COL14A1: variants seen among roughly 807,000 people sequenced by gnomAD.
The protein encoded by COL14A1 is collagen type XIV alpha 1 chain.
Under a neutral mutation model 230.3 loss-of-function variants are expected in COL14A1, and 136 were observed. That is an observed-to-expected ratio of 0.59 (90% CI 0.51 to 0.68). The LOEUF (loss-of-function observed/expected upper bound fraction) is 0.68, where lower values mean the gene tolerates loss of function less well. COL14A1 is among the 30% of genes least tolerant of loss of function. The pLI is 0.00. For missense variants in COL14A1, 1,976 were observed against 2,215.8 expected (o/e 0.89, Z 2.17); for synonymous variants, 792 against 784.1 (o/e 1.01, Z -0.17).
chr8:120,227,097 A>G, intron 16 of COL14A1, 123 bp from the exon 17 acceptor site: 1 of 1,089,122 alleles, frequency 9.2e-7, no homozygotes, highest in Non-Finnish European at 1.3e-6. Context: ...TGACCTTAAA[A>G]TGGACTTCGA....
intron 5 of COL14A1, among the ~76,000 whole-genome samples, chr8:120,190,278 G>A (rs1035676283): frequency 2.0e-5 from 3 of 152,188 alleles, no homozygotes; most frequent in African/African-American, 7.2e-5. Context: ...CTGCATAAAT[G>A]TCTTCTTTTG....
At chr8:120,166,514 A>G (rs1421062938) in intron 4 of COL14A1, among the ~76,000 whole-genome samples, 1 of 138,800 alleles carries the variant, frequency 7.2e-6, no homozygotes, top group Non-Finnish European at 1.6e-5. Flanking sequence ...CTACCTCTGA[A>G]TTTATTACTA....
chr8:120,276,371 A>G (rs1819845495), intron 26 of COL14A1, among the ~76,000 whole-genome samples: 1 of 148,828 alleles, frequency 6.7e-6, no homozygotes, highest in Non-Finnish European at 1.5e-5. Flanking sequence ...GGGAGGGTGG[A>G]AGGTGGATGA....
Position 120,224,023 on chromosome 8 carries a change from C to CTTTTTTTTTTT in COL14A1, c.1738-1054_1738-1044dup, listed in dbSNP as rs962510256. 6.4e-3 allele frequency among the ~76,000 whole-genome samples: 501 copies of CTTTTTTTTTTT among 78,254 alleles called. 69 individuals carry two copies. The highest frequency in any genetic ancestry group is 0.012 in the African/African-American group (223 of 19,292). 51.3% of individuals were successfully genotyped at this position (78,254 alleles called of 152,430 possible). ...GCCTTCTAGACCCTGCCCTCATCTC[C>CTTTTTTTTTTT]TTTTTTTTTTTTTTTTTTTTTGAGA... is the stretch of plus-strand genomic sequence containing the variant. On this transcript the variant is annotated intron_variant, in intron 14 of 47. Transcript: ENST00000297848.
intron 2 of COL14A1, among the ~76,000 whole-genome samples, chr8:120,155,634 T>C (rs2130508471): frequency 6.6e-6 from 1 of 152,282 alleles, no homozygotes; most frequent in African/African-American, 2.4e-5. Context: ...CACTTGATGG[T>C]TCCCCAGACA....
intron 23 of COL14A1, 93 bp from the exon 24 acceptor site, chr8:120,262,773 CAT>C (rs1474147476): frequency 2.3e-5 from 28 of 1,217,654 alleles, no homozygotes; most frequent in Admixed American, 9.7e-5. Context: ...TGTGGGCTAA[CAT>C]GTGAAGTATT....
intron 1 of COL14A1, among the ~76,000 whole-genome samples, chr8:120,141,155 AG>A (rs1310462718): frequency 2.0e-5 from 3 of 152,150 alleles, no homozygotes; most frequent in Admixed American, 6.5e-5. Flanking sequence ...ACTGTCCAAA[AG>A]TTTGGGGACT....
chr8:120,131,581 T>C (rs1304244657), intron 1 of COL14A1, among the ~76,000 whole-genome samples: 1 of 152,106 alleles, frequency 6.6e-6, no homozygotes, highest in Non-Finnish European at 1.5e-5. Flanking sequence ...TGTTGAATAA[T>C]TTAAGTTCAT....
chr8:120,235,708 T>C (rs1004597246), intron 19 of COL14A1, among the ~76,000 whole-genome samples: 5 of 152,206 alleles, frequency 3.3e-5, no homozygotes, highest in African/African-American at 9.7e-5. Flanking sequence ...ACTGTGATGT[T>C]AGGATGTCGA....
In COL14A1 at chr8:120,265,989, G is replaced by T. The variant is rs573476989; in HGVS notation, c.3017-838G>T. Among the ~76,000 whole-genome samples, 9 of 152,176 alleles carry T rather than the reference G, an allele frequency of 5.9e-5. No homozygotes were observed. In the South Asian group the frequency reaches 1.7e-3, roughly 28 times the overall value. ...TCGCCTGAGGCTAGACATCCCCTCT[G>T]TGAATGGCTATGTTTAGTGGAGGGT... On this transcript the variant is annotated intron_variant, in intron 24 of 47. Transcript: ENST00000297848.
At chr8:120,204,912 A>C (rs1452040004) in intron 9 of COL14A1, among the ~76,000 whole-genome samples, 1 of 152,010 alleles carries the variant, frequency 6.6e-6, no homozygotes, top group Non-Finnish European at 1.5e-5. Context: ...CATAGATAGG[A>C]TTGTAGGGGA....
chr8:120,136,959 CAAAAAAAAAAA>C (rs34417716), intron 1 of COL14A1, among the ~76,000 whole-genome samples: 1 of 62,908 alleles, frequency 1.6e-5, no homozygotes, highest in Non-Finnish European at 2.7e-5. Context: ...GAGTCTGTCT[CAAAAAAAAAAA>C]AAAAAAAAAA....
chr8:120,263,067 T>A, intron 24 of COL14A1, 53 bp downstream of exon 24: 8 of 1,497,940 alleles, frequency 5.3e-6, no homozygotes, highest in Non-Finnish European at 7.1e-6. Context: ...AAACAGAATT[T>A]CAGGCATCCT....
At chr8:120,135,161 A>T (rs1811260286) in intron 1 of COL14A1, among the ~76,000 whole-genome samples, 1 of 152,238 alleles carries the variant, frequency 6.6e-6, no homozygotes, top group African/African-American at 2.4e-5. Flanking sequence ...GAATTTGTAA[A>T]TATCAGAGCC....
chr8:120,331,265 T>C (rs1364631113), intron 40 of COL14A1, among the ~76,000 whole-genome samples: 1 of 152,134 alleles, frequency 6.6e-6, no homozygotes, highest in Admixed American at 6.6e-5. Context: ...AAATAATTAT[T>C]CCAATGGGAC....
chr8:120,256,374 G>A (rs1012318900), intron 23 of COL14A1, among the ~76,000 whole-genome samples: 2 of 152,272 alleles, frequency 1.3e-5, no homozygotes, highest in Admixed American at 6.5e-5. Flanking sequence ...AAAGTGGAAA[G>A]CATAGTTTAG....
At chr8:120,315,669 A>G in intron 39 of COL14A1, 83 bp downstream of exon 39, 1 of 1,157,806 alleles carries the variant, frequency 8.6e-7, no homozygotes, top group Non-Finnish European at 1.3e-6. Flanking sequence ...TTCTGAAGTC[A>G]GTTGTGATCT....
chr8:120,316,047 CA>C (rs1821217882), intron 40 of COL14A1, 50 bp downstream of exon 40: 1 of 1,571,796 alleles, frequency 6.4e-7, no homozygotes, highest in South Asian at 1.1e-5. Flanking sequence ...ACCTTTTCAC[CA>C]GGTCACTCTT....
chr8:120,218,589 C>T (rs995967958), intron 14 of COL14A1, among the ~76,000 whole-genome samples: 1 of 152,116 alleles, frequency 6.6e-6, no homozygotes. Context: ...GGATTACAGG[C>T]GTGAACCACT....
Sources: allele counts gnomAD v4.1 joint callset (sites outside exome capture counted in the v4.1 genomes callset), GRCh38; gene constraint gnomAD v4.1.1; transcripts MANE v1.5; gene names NCBI Gene and HGNC (gene_info 2026-07-23, HGNC 2026-07-21).